The following QKI variants were observed in gnomAD, a reference collection of about 807,000 sequenced individuals.
QKI encodes the protein KH domain-containing RNA-binding protein QKI.
In QKI, 10 loss-of-function variants were observed where a neutral mutation model predicts 39.0. The ratio of observed to expected loss-of-function variants is 0.26; its 90% CI spans 0.16 to 0.43. The LOEUF (loss-of-function observed/expected upper bound fraction) is 0.43, where lower values mean the gene tolerates loss of function less well. Ranked by LOEUF, QKI falls within the 20% of genes least tolerant of loss-of-function variation. The pLI is 1.00. For missense variants in QKI, 218 were observed against 428.0 expected, an observed-to-expected ratio of 0.51 and a Z score of 4.33; for synonymous variants, 204 against 155.4, an observed-to-expected ratio of 1.31 and a Z score of -2.33.
intron 3 of QKI, among the ~76,000 whole-genome samples, chr6:163,533,969 C>CT (rs1201841544): frequency 2.6e-5 from 4 of 152,156 alleles, no homozygotes; most frequent in African/African-American, 4.8e-5. Context: ...TTACTGGAAT[C>CT]TAACAATTAG....
chr6:163,499,925 G>GT (rs1219519459), intron 3 of QKI, among the ~76,000 whole-genome samples: 6 of 152,286 alleles, frequency 3.9e-5, no homozygotes, highest in Admixed American at 1.3e-4. Flanking sequence ...GCCAGGCAAT[G>GT]TAAGTATGGG....
At chr6:163,415,372 C>T in intron 1 of QKI, 37 bp downstream of exon 1, 1 of 1,556,656 alleles carries the variant, frequency 6.4e-7, no homozygotes, top group Non-Finnish European at 8.7e-7. Flanking sequence ...GGCCCGACCC[C>T]CGCCGGGGCG....
At position 163,567,367 on chromosome 6, in the gene QKI, AT is replaced by A. The variant is rs559062401; in HGVS notation, c.1009+579del. On this transcript the variant is annotated intron_variant, in intron 7 of 7. Coordinates refer to ENST00000361752, the MANE Select transcript of QKI (RefSeq NM_006775.3). ...GTGAAGATAACTTTCATGTAGTTGG[AT>A]TTTTTTATATAAATTAGAGCGTCAA... is the stretch of plus-strand genomic sequence containing the variant. The A allele has an allele frequency of 2.4e-5, 24 of 984,766 alleles. No individual in the cohort carries two copies. In the South Asian group the frequency reaches 1.1e-3, roughly 44 times the overall value. The allele number at this position is 984,766 out of a possible 1,614,324, so 61.0% of individuals were successfully genotyped here.
intron 7 of QKI, chr6:163,569,945 G>GTTCTATATGTGTAAAATAGTACTTTCAAC: frequency 2.0e-6 from 2 of 986,728 alleles, no homozygotes; most frequent in Non-Finnish European, 1.2e-6. Context: ...TTTTATAAGT[G>GTTCTATATGTGTAAAATAGTACTTTCAAC]TTCTATATGT....
intron 1 of QKI, among the ~76,000 whole-genome samples, chr6:163,442,058 A>G (rs1439671641): frequency 1.5e-4 from 23 of 152,196 alleles, no homozygotes; most frequent in Admixed American, 1.2e-3. Context: ...CATTTTCACC[A>G]CCATTTACAT....
intron 3 of QKI, among the ~76,000 whole-genome samples, chr6:163,519,357 T>G: frequency 6.6e-6 from 1 of 152,072 alleles, no homozygotes; most frequent in East Asian, 1.9e-4. Context: ...AAAGAGCTCT[T>G]AAGACAGCTT....
intron 6 of QKI, chr6:163,566,080 C>A: frequency 6.5e-7 from 1 of 1,542,348 alleles, no homozygotes; most frequent in Non-Finnish European, 8.8e-7. Context: ...CAGTGACTTA[C>A]TTGCACTTTT....
intron 2 of QKI, among the ~76,000 whole-genome samples, chr6:163,472,683 T>A (rs1294872939): frequency 6.6e-6 from 1 of 152,212 alleles, no homozygotes; most frequent in Non-Finnish European, 1.5e-5. Flanking sequence ...ACATATAACA[T>A]GTTTGCTGAT....
chr6:163,455,551 A>G (rs1790853242), intron 2 of QKI, 130 bp downstream of exon 2: 3 of 916,320 alleles, frequency 3.3e-6, no homozygotes, highest in African/African-American at 1.7e-5. Flanking sequence ...TGAAGTGTGA[A>G]TAATTTGGCA....
Position 163,577,075 on chromosome 6 carries a change from A to G in QKI, c.*6365A>G, listed in dbSNP as rs1777620911. 6.6e-6 allele frequency: 1 copy of G among 152,184 alleles called. No individual in the cohort carries two copies. Among genetic ancestry groups the G allele is most frequent in the Non-Finnish European group, 1.5e-5 (1 of 68,028 alleles). The allele number at this position is 152,184 out of a possible 1,614,324, so 9.4% of individuals were successfully genotyped here. ...AGGACTAGTGTCATTAACCTGTTGA[A>G]CAGAATTGGTTTATTAAAAAAATCA... is the stretch of plus-strand genomic sequence containing the variant. On this transcript the variant is annotated 3_prime_UTR_variant, in exon 8 of 8. Coordinates refer to ENST00000361752, the MANE Select transcript of QKI (RefSeq NM_006775.3).
intron 7 of QKI, chr6:163,567,284 G>A (rs1014590500): frequency 1.0e-6 from 1 of 986,758 alleles, no homozygotes; most frequent in African/African-American, 1.7e-5. Context: ...TTGAGCCACT[G>A]TATAAACATG....
At position 163,436,002 on chromosome 6, in the gene QKI, C is replaced by CA. The variant is rs200643213; in HGVS notation, c.143-19276dup. Among the ~76,000 whole-genome samples, 651 of 152,246 alleles carry CA rather than the reference C, an allele frequency of 4.3e-3. 16 individuals are homozygous for CA. Among genetic ancestry groups the CA allele is most frequent in the Admixed American group, 0.028 (423 of 15,290 alleles). ...ATAACCAAACCCTTGATTCAGTACA[C>CA]ACTATTTAAAGTGTTTAATCCAGAA... On this transcript the variant is annotated intron_variant, in intron 1 of 7. Transcript: ENST00000361752.
At chr6:163,554,754 G>A (rs1562538805) in intron 4 of QKI, among the ~76,000 whole-genome samples, 1 of 152,194 alleles carries the variant, frequency 6.6e-6, no homozygotes, top group African/African-American at 2.4e-5. Flanking sequence ...TGATCATCAT[G>A]CCTTGTCAGG....
At chr6:163,556,035 G>A (rs1782578266) in intron 4 of QKI, among the ~76,000 whole-genome samples, 1 of 152,154 alleles carries the variant, frequency 6.6e-6, no homozygotes, top group African/African-American at 2.4e-5. Flanking sequence ...AACTTTTGTG[G>A]CTTTGGATAA....
At chr6:163,539,820 C>A (rs768551737) in intron 4 of QKI, among the ~76,000 whole-genome samples, 1 of 152,114 alleles carries the variant, frequency 6.6e-6, no homozygotes, top group Non-Finnish European at 1.5e-5. Flanking sequence ...AGGAAAATGC[C>A]TATTTCTCAA....
chr6:163,576,784 T>C lies in QKI; in HGVS notation c.*6074T>C, dbSNP rs1197064162. ...AGAATAAAGAACGCACACTTTCAAT[T>C]TTATTGAGGCTTTCAACACTATTTA... On this transcript the variant is annotated 3_prime_UTR_variant, in exon 8 of 8. Coordinates refer to ENST00000361752, the MANE Select transcript of QKI (RefSeq NM_006775.3). 6.6e-6 allele frequency: 1 copy of C among 152,086 alleles called. No homozygotes were observed. The highest frequency in any genetic ancestry group is 1.5e-5 in the Non-Finnish European group (1 of 68,012). The allele number at this position is 152,086 out of a possible 1,614,324, so 9.4% of individuals were successfully genotyped here. A position where few individuals can be genotyped will look rare whatever the true frequency, so the allele number is the denominator to read the frequency against.
chr6:163,541,762 T>C (rs1001803734), intron 4 of QKI, among the ~76,000 whole-genome samples: 3 of 152,106 alleles, frequency 2.0e-5, no homozygotes, highest in South Asian at 2.1e-4. Context: ...ACTTTTTCCT[T>C]CTTTTAATTT....
At chr6:163,430,080 C>T (rs1788707701) in intron 1 of QKI, among the ~76,000 whole-genome samples, 1 of 152,046 alleles carries the variant, frequency 6.6e-6, no homozygotes, top group Non-Finnish European at 1.5e-5. Context: ...AAGGGAGTGG[C>T]GTTCTAGACA....
chr6:163,529,133 G>A (rs548911098), intron 3 of QKI, among the ~76,000 whole-genome samples: 2 of 152,276 alleles, frequency 1.3e-5, no homozygotes, highest in East Asian at 3.9e-4. Context: ...CTAGAAGTAA[G>A]AGAACAAGAA....
Sources: allele counts gnomAD v4.1 joint callset (sites outside exome capture counted in the v4.1 genomes callset), GRCh38; gene constraint gnomAD v4.1.1; transcripts MANE v1.5; gene names NCBI Gene and HGNC (gene_info 2026-07-23, HGNC 2026-07-21).